CELSR1: variants seen among roughly 807,000 people sequenced by gnomAD.
CELSR1 encodes the protein adhesion G protein-coupled receptor C1.
A neutral mutation model predicts 249.1 loss-of-function variants in CELSR1; 110 were observed. The ratio of observed to expected loss-of-function variants is 0.44; its 90% CI spans 0.38 to 0.52. CELSR1 has a LOEUF of 0.52. Ranked by LOEUF, CELSR1 falls within the 20% of genes least tolerant of loss-of-function variation. The probability of loss-of-function intolerance (pLI) is 0.00; values close to 1 mark genes in which losing one functional copy is unlikely to be tolerated. For missense variants in CELSR1, 4,109 were observed against 4,296.4 expected, an observed-to-expected ratio of 0.96 and a Z score of 1.22; for synonymous variants, 2,113 against 1,900.0, an observed-to-expected ratio of 1.11 and a Z score of -2.92.
At chr22:46,404,869 G>C (rs2079248646) in intron 9 of CELSR1, among the ~76,000 whole-genome samples, 1 of 152,102 alleles carries the variant, frequency 6.6e-6, no homozygotes, top group Non-Finnish European at 1.5e-5. Context: ...TTGTTACCCA[G>C]GCTGGAGTAC....
rs749827233 is a variant in CELSR1 at position 46,501,013 on chromosome 22, TTA to T, written c.3544+32612_3544+32613del. Among the ~76,000 whole-genome samples the T allele has an allele frequency of 2.2e-5, 3 of 138,362 alleles. No individual in the cohort carries two copies. The East Asian group carries it at 5.8e-4, about 27-fold the overall frequency. 90.8% of individuals were successfully genotyped at this position (138,362 alleles called of 152,430 possible). A position where few individuals can be genotyped will look rare whatever the true frequency, so the allele number is the denominator to read the frequency against. On this transcript the variant is annotated intron_variant, in intron 1 of 34. Transcript: ENST00000674500. ...AGAAAAGTTTATTTATTTATTTATT[TTA>T]TTTTATTTTTTATTTTATTTTATTT...
intron 5 of CELSR1, among the ~76,000 whole-genome samples, chr22:46,425,548 G>A (rs996987470): frequency 3.9e-5 from 6 of 152,056 alleles, no homozygotes; most frequent in African/African-American, 1.4e-4. Context: ...CGTGCATCTG[G>A]GTTTTAAATG....
chr22:46,448,811 C>G lies in CELSR1; in HGVS notation c.4184-9400G>C, dbSNP rs2079849445. Among the ~76,000 whole-genome samples the G allele has an allele frequency of 6.6e-6, 1 of 152,158 alleles. No individual in the cohort carries two copies. The highest frequency in any genetic ancestry group is 2.1e-4 in the South Asian group (1 of 4,830). ...GCCCCATCAAAGAGCTCAGTCCTAA[C>G]ACTGGATCCTAGGATGCAGAAAGCA... On this transcript the variant is annotated intron_variant, in intron 2 of 34. Transcript: ENST00000674500. The surrounding 1 kb of genome is among the most constrained non-coding windows in gnomAD (Gnocchi z 5.7).
chr22:46,375,709 A>G (rs577627613), intron 24 of CELSR1, among the ~76,000 whole-genome samples: 2 of 152,076 alleles, frequency 1.3e-5, no homozygotes, highest in East Asian at 1.9e-4. Flanking sequence ...ATGCCCAGCT[A>G]ATCTTTGTAT....
rs1320213949 is a variant in CELSR1 at position 46,500,282 on chromosome 22, G to GC, written c.3544+33344dup. Among the ~76,000 whole-genome samples the GC allele has an allele frequency of 1.3e-5, 2 of 152,162 alleles. No individual in the cohort carries two copies. The highest frequency in any genetic ancestry group is 3.8e-4 in the East Asian group (2 of 5,200). ...GGGACATAACTGCGACAAAACCCTG[G>GC]CGCCCGGTTTTCAGCACCGCGCTAG... On this transcript the variant is annotated intron_variant, in intron 1 of 34. Coordinates refer to ENST00000674500, the MANE Select transcript of CELSR1 (RefSeq NM_001378328.1). This position sits in a 1 kb window ranked among gnomAD's most constrained non-coding sequence, Gnocchi z 4.9.
At chr22:46,477,078 G>A (rs796224523) in intron 1 of CELSR1, among the ~76,000 whole-genome samples, 7 of 152,314 alleles carry the variant, frequency 4.6e-5, no homozygotes, top group African/African-American at 1.7e-4. Flanking sequence ...GCTGTCGAAT[G>A]AAGTCAGAAA....
chr22:46,366,519 GCCA>G (rs1363829327), intron 29 of CELSR1, 39 bp from the exon 30 acceptor site: 11 of 1,453,520 alleles, frequency 7.6e-6, no homozygotes, highest in African/African-American at 1.4e-5. Flanking sequence ...CCAAGTGGTG[GCCA>G]CCACATGACC....
rs1006345858 is a variant in CELSR1, at chr22:46,429,099, G to A, written c.4611+4294C>T. On this transcript the variant is annotated intron_variant, in intron 5 of 34. Coordinates refer to ENST00000674500, the MANE Select transcript of CELSR1 (RefSeq NM_001378328.1). The surrounding 1 kb of genome is among the most constrained non-coding windows in gnomAD (Gnocchi z 4.1). ...GGGAAGCACAGTAAGGGAATGACCC[G>A]CTCAGTGCAGCCCCGAGGATCCCCA... 1.3e-5 allele frequency among the ~76,000 whole-genome samples: 2 copies of A among 152,102 alleles called. No homozygotes were observed. Among genetic ancestry groups the A allele is most frequent in the East Asian group, 1.9e-4 (1 of 5,190 alleles).
intron 25 of CELSR1, among the ~76,000 whole-genome samples, chr22:46,371,175 C>T (rs1438320791): frequency 2.0e-5 from 3 of 152,154 alleles, no homozygotes; most frequent in Admixed American, 2.0e-4. Context: ...GAAAAAGGTT[C>T]TTCAGGGTCC....
chr22:46,382,202 A>C (rs759474563), intron 20 of CELSR1, 152 bp from the exon 21 acceptor site: 1 of 690,276 alleles, frequency 1.4e-6, no homozygotes, highest in Non-Finnish European at 2.4e-6. Context: ...AGGACTTATC[A>C]CATGACCCTG....
At chr22:46,375,659 T>A (rs2078911429) in intron 24 of CELSR1, among the ~76,000 whole-genome samples, 1 of 151,924 alleles carries the variant, frequency 6.6e-6, no homozygotes. Context: ...TTCTCATGTT[T>A]CAGCCTCCCA....
At chr22:46,460,836 G>C (rs1376716501) in intron 2 of CELSR1, among the ~76,000 whole-genome samples, 1 of 152,156 alleles carries the variant, frequency 6.6e-6, no homozygotes, top group Admixed American at 6.5e-5. Flanking sequence ...CTGGGGCCTT[G>C]GACTTCTCTA....
chr22:46,428,647 C>G lies in CELSR1; in HGVS notation c.4611+4746G>C, dbSNP rs2079561807. Among the ~76,000 whole-genome samples the G allele has an allele frequency of 6.6e-6, 1 of 152,220 alleles. No individual in the cohort carries two copies. Among genetic ancestry groups the G allele is most frequent in the Non-Finnish European group, 1.5e-5 (1 of 68,044 alleles). ...CAGGAATGCTGCCCAGAACAGGCCT[C>G]ACAATGAAGGGTCATCGTCCCCAAG... On this transcript the variant is annotated intron_variant, in intron 5 of 34. Transcript: ENST00000674500. The surrounding 1 kb of genome is among the most constrained non-coding windows in gnomAD (Gnocchi z 5.7).
In CELSR1 at chr22:46,398,682, TC is replaced by T. The variant is rs2079178671; in HGVS notation, c.5413-46del. ...GGGGATCTGGGGGCTGCATCCACCA[TC>T]CTAGAAACGTCTCTCAGATGGGAAG... On this transcript the variant is annotated intron_variant, in intron 10 of 34. Transcript: ENST00000674500. This position sits in a 1 kb window ranked among gnomAD's most constrained non-coding sequence, Gnocchi z 7.2. 6.8e-7 allele frequency: 1 copy of T among 1,464,696 alleles called. No individual in the cohort carries two copies. The highest frequency in any genetic ancestry group is 1.4e-5 in the African/African-American group (1 of 70,948). The allele number at this position is 1,464,696 out of a possible 1,614,324, so 90.7% of individuals were successfully genotyped here. A position where few individuals can be genotyped will look rare whatever the true frequency, so the allele number is the denominator to read the frequency against.
chr22:46,371,923 A>G (rs2078856350), intron 25 of CELSR1, among the ~76,000 whole-genome samples: 2 of 135,374 alleles, frequency 1.5e-5, no homozygotes, highest in Admixed American at 7.3e-5. Flanking sequence ...CCACCCACCC[A>G]CCCATCTGCT....
At position 46,398,748 on chromosome 22, in the gene CELSR1, G is replaced by A. The variant is rs2147282448; in HGVS notation, c.5413-111C>T. 5 of 795,322 alleles carry A rather than the reference G, an allele frequency of 6.3e-6. No individual in the cohort carries two copies. The highest frequency in any genetic ancestry group is 1.9e-5 in the South Asian group (1 of 52,930). 49.3% of individuals were successfully genotyped at this position (795,322 alleles called of 1,614,324 possible). A position where few individuals can be genotyped will look rare whatever the true frequency, so the allele number is the denominator to read the frequency against. ...CTAAACAGTCACTTCAACAAACTCCGCAGAGCCTGAGGACATCTGGGCCTC... is the reference window on the plus strand; with the variant it reads ...CTAAACAGTCACTTCAACAAACTCCACAGAGCCTGAGGACATCTGGGCCTC... On this transcript the variant is annotated intron_variant, in intron 10 of 34. Coordinates refer to ENST00000674500, the MANE Select transcript of CELSR1 (RefSeq NM_001378328.1). This position sits in a 1 kb window ranked among gnomAD's most constrained non-coding sequence, Gnocchi z 7.2.
intron 1 of CELSR1, among the ~76,000 whole-genome samples, chr22:46,476,379 T>C (rs2092356): frequency 0.66 from 100,329 of 151,866 alleles, 33,781 homozygotes; most frequent in East Asian, 0.85. Context: ...GTGGATTGCC[T>C]GAGCTCAGGA....
chr22:46,509,592 T>C (rs1464745471), intron 1 of CELSR1, among the ~76,000 whole-genome samples: 1 of 29,698 alleles, frequency 3.4e-5, no homozygotes, highest in Non-Finnish European at 8.2e-5. Context: ...GTCACTGCTC[T>C]GTACCCAGCA....
rs189674201 is a variant in CELSR1 at position 46,423,497 on chromosome 22, C to T, written c.4611+9896G>A. ...GTGCAGGCCTGTAATCCCACCTACT[C>T]GGGAGGCTGAGGCAGGAGAATTGCT... On this transcript the variant is annotated intron_variant, in intron 5 of 34. Transcript: ENST00000674500. This position sits in a 1 kb window ranked among gnomAD's most constrained non-coding sequence, Gnocchi z 5.6. 1.3e-5 allele frequency among the ~76,000 whole-genome samples: 2 copies of T among 149,658 alleles called. No individual in the cohort carries two copies. Among genetic ancestry groups the T allele is most frequent in the Admixed American group, 6.7e-5 (1 of 14,976 alleles).
Sources: allele counts gnomAD v4.1 joint callset (sites outside exome capture counted in the v4.1 genomes callset), GRCh38; gene constraint gnomAD v4.1.1; non-coding constraint Gnocchi (gnomAD v3.1); transcripts MANE v1.5; gene names NCBI Gene and HGNC (gene_info 2026-07-23, HGNC 2026-07-21).